The following RBMS1 variants were observed in gnomAD, a reference collection of about 807,000 sequenced individuals.
RBMS1 encodes RNA-binding motif, single-stranded-interacting protein 1.
In RBMS1, 17 loss-of-function variants were observed where a neutral mutation model predicts 62.3. The observed-to-expected ratio is 0.27, with a 90% CI of 0.19 to 0.41. The LOEUF is 0.41. Among genes scored for constraint, RBMS1 ranks in the 10% least tolerant of loss-of-function variants. The pLI, the probability that RBMS1 is intolerant of heterozygous loss-of-function variation, is 1.00. For synonymous variants in RBMS1, 172 were observed against 170.0 expected (o/e 1.01, Z -0.09); for missense variants, 334 against 504.5 (o/e 0.66, Z 3.24).
chr2:160,418,079 G>T, intron 1 of RBMS1, among the ~76,000 whole-genome samples: 1 of 152,232 alleles, frequency 6.6e-6, no homozygotes, highest in South Asian at 2.1e-4. Context: ...TATATAATAA[G>T]AAAGATGAAA....
chr2:160,327,097 G>A lies in RBMS1; in HGVS notation c.252-8870C>T, dbSNP rs182565294. 1.1e-4 allele frequency among the ~76,000 whole-genome samples: 17 copies of A among 152,318 alleles called. No individual in the cohort carries two copies. In the East Asian group the frequency reaches 2.7e-3, roughly 24 times the overall value. ...TACAGCATGTGAGCTGATGAAGACT[G>A]AATTACAGAAGCATTGGGACAGTTA... On this transcript the variant is annotated intron_variant, in intron 2 of 13. Coordinates refer to ENST00000348849, the MANE Select transcript of RBMS1 (RefSeq NM_016836.4).
intron 9 of RBMS1, chr2:160,283,683 A>G (rs1194429524): frequency 3.3e-5 from 5 of 152,248 alleles, no homozygotes; most frequent in Admixed American, 3.3e-4. Flanking sequence ...TATAACTAAT[A>G]TACTCTTATT....
At position 160,374,946 on chromosome 2, in the gene RBMS1, G is replaced by C. The variant is rs141067967; in HGVS notation, c.76-7555C>G. The stretch of plus-strand genomic sequence containing the variant: ...ACTACATCTCGGGCGGGGGACGGTG[G>C]GGGGGAGGAATTGAACGGAAAAGTT... On this transcript the variant is annotated intron_variant, in intron 1 of 13. Transcript: ENST00000348849. 1.3e-3 allele frequency among the ~76,000 whole-genome samples: 203 copies of C among 151,888 alleles called. 2 individuals are homozygous for C. Among genetic ancestry groups the C allele is most frequent in the African/African-American group, 4.4e-3 (183 of 41,456 alleles).
At chr2:160,346,077 G>T (rs10168504) in intron 2 of RBMS1, among the ~76,000 whole-genome samples, 1 of 151,984 alleles carries the variant, frequency 6.6e-6, no homozygotes, top group African/African-American at 2.4e-5. Context: ...AGCCTTCTCC[G>T]GTCTTTAGGG....
Position 160,367,281 on chromosome 2 carries a change from C to T in RBMS1, c.186G>A (p.Thr62=), listed in dbSNP as rs547425213. The change falls in exon 2 of 14, where the codon ACG becomes ACA. Residue 62 remains threonine, a synonymous_variant. Transcript: ENST00000348849. The part of the protein sequence containing the change: ...SNSGWDQLSK[T]NLYIRGLPPH... ...GAGGCAGTCCTCGGATATAGAGGTTCGTTTTGCTGAGCTGATCCCATCCTG... is the reference window on the plus strand; with the variant it reads ...GAGGCAGTCCTCGGATATAGAGGTTTGTTTTGCTGAGCTGATCCCATCCTG... 11 of 1,613,612 alleles carry T rather than the reference C, an allele frequency of 6.8e-6. No individual in the cohort carries two copies. The highest frequency in any genetic ancestry group is 3.3e-5 in the Admixed American group (2 of 59,986).
At chr2:160,374,375 C>T (rs1312263725) in intron 1 of RBMS1, among the ~76,000 whole-genome samples, 1 of 152,134 alleles carries the variant, frequency 6.6e-6, no homozygotes, top group Non-Finnish European at 1.5e-5. Context: ...TCATTCTTCA[C>T]AAAAGCCAGA....
chr2:160,286,042 C>T (rs978193561), intron 7 of RBMS1, among the ~76,000 whole-genome samples: 2 of 152,010 alleles, frequency 1.3e-5, no homozygotes, highest in African/African-American at 4.8e-5. Flanking sequence ...ACCCAGGAGG[C>T]AGAGCTTGCA....
chr2:160,337,323 G>A (rs1158783009), intron 2 of RBMS1, among the ~76,000 whole-genome samples: 2 of 151,618 alleles, frequency 1.3e-5, no homozygotes, highest in African/African-American at 2.4e-5. Flanking sequence ...TTAATAAGGC[G>A]GGGTTTCACC....
At chr2:160,483,058 A>G (rs1185270348) in intron 1 of RBMS1, among the ~76,000 whole-genome samples, 1 of 150,656 alleles carries the variant, frequency 6.6e-6, no homozygotes, top group East Asian at 1.9e-4. Context: ...TCCTATTTGT[A>G]GGTTAAAAAA....
intron 2 of RBMS1, among the ~76,000 whole-genome samples, chr2:160,362,836 T>C (rs1354930230): frequency 6.6e-6 from 1 of 151,516 alleles, no homozygotes. Flanking sequence ...CTGTACCCCT[T>C]CCTCCCAAAA....
At chr2:160,450,564 G>GA (rs1181640365) in intron 1 of RBMS1, among the ~76,000 whole-genome samples, 12,138 of 56,442 alleles carry the variant, frequency 0.22, 1,285 homozygotes, top group South Asian at 0.3. Flanking sequence ...AATAAAAAAT[G>GA]AAAAAAAAAA....
intron 1 of RBMS1, among the ~76,000 whole-genome samples, chr2:160,398,115 T>C (rs978782014): frequency 6.6e-6 from 1 of 152,180 alleles, no homozygotes; most frequent in Non-Finnish European, 1.5e-5. Flanking sequence ...GGATGGCAAG[T>C]GGGAAGAATA....
intron 1 of RBMS1, among the ~76,000 whole-genome samples, chr2:160,412,178 A>G (rs777336106): frequency 6.6e-5 from 10 of 152,270 alleles, no homozygotes; most frequent in Non-Finnish European, 1.2e-4. Context: ...AGAAGCCTGC[A>G]ATCTAAAATA....
intron 2 of RBMS1, among the ~76,000 whole-genome samples, chr2:160,356,832 A>C (rs1190205464): frequency 6.6e-6 from 1 of 152,032 alleles, no homozygotes; most frequent in East Asian, 1.9e-4. Flanking sequence ...TGCTCATAAA[A>C]CTCTTCTAAG....
rs1203391603 is a variant in RBMS1 at position 160,493,464 on chromosome 2, G to GGCGGCGGCA, written c.-102_-101insTGCCGCCGC. ...CCTTTCCGGCGGCGGCGGCAGCGGC[G>GGCGGCGGCA]GCGGCGGCGGCGGCTGCTGCTGCTG... On this transcript the variant is annotated 5_prime_UTR_variant, in exon 1 of 14. Transcript: ENST00000348849. 2 of 1,021,380 alleles carry GGCGGCGGCA rather than the reference G, an allele frequency of 2.0e-6. No homozygotes were observed. The highest frequency in any genetic ancestry group is 2.6e-5 in the East Asian group (1 of 38,776). The allele number at this position is 1,021,380 out of a possible 1,614,324, so 63.3% of individuals were successfully genotyped here. A position where few individuals can be genotyped will look rare whatever the true frequency, so the allele number is the denominator to read the frequency against.
intron 1 of RBMS1, among the ~76,000 whole-genome samples, chr2:160,446,156 G>A (rs1683634679): frequency 6.6e-6 from 1 of 152,108 alleles, no homozygotes; most frequent in African/African-American, 2.4e-5. Context: ...CCTTCAAAAA[G>A]TTTTACATTT....
chr2:160,395,520 A>G (rs1169483316), intron 1 of RBMS1, among the ~76,000 whole-genome samples: 1 of 149,156 alleles, frequency 6.7e-6, no homozygotes, highest in African/African-American at 2.5e-5. Flanking sequence ...GCTACTTGGG[A>G]GGCTGAGGCA....
At chr2:160,337,699 A>G (rs1691654152) in intron 2 of RBMS1, among the ~76,000 whole-genome samples, 1 of 152,152 alleles carries the variant, frequency 6.6e-6, no homozygotes, top group African/African-American at 2.4e-5. Flanking sequence ...ACTGCCTAAA[A>G]AACAAGAAAT....
At chr2:160,421,580 C>T (rs1696431962) in intron 1 of RBMS1, among the ~76,000 whole-genome samples, 1 of 152,168 alleles carries the variant, frequency 6.6e-6, no homozygotes, top group East Asian at 1.9e-4. Context: ...CAAGTCTTTG[C>T]TATTGTGAAT....
Sources: gnomAD v4.1 joint callset for allele counts (sites outside exome capture counted in the v4.1 genomes callset) on GRCh38, gnomAD v4.1.1 for gene constraint, MANE v1.5 for transcripts, NCBI Gene and HGNC (gene_info 2026-07-23, HGNC 2026-07-21) for gene names.